Variants in CTSO observed in about 807,000 individuals in gnomAD.
CTSO encodes cathepsin O.
A neutral mutation model predicts 42.4 loss-of-function variants in CTSO; 40 were observed. That is an observed-to-expected ratio of 0.94 (90% confidence interval 0.73 to 1.23). The LOEUF is 1.23. Among genes scored for constraint, CTSO ranks in the 50% most tolerant of loss-of-function variants. The pLI, the probability that CTSO is intolerant of heterozygous loss-of-function variation, is 0.00. For synonymous variants in CTSO, 156 were observed against 146.2 expected (o/e 1.07, Z -0.48); for missense variants, 441 against 396.0 (o/e 1.11, Z -0.96).
At chr4:155,948,065 CTT>C (rs34548017) in intron 1 of CTSO, among the ~76,000 whole-genome samples, 21 of 136,468 alleles carry the variant, frequency 1.5e-4, no homozygotes, top group African/African-American at 5.7e-4. Flanking sequence ...CTACCTTCAC[CTT>C]TTTTTTGTTG....
chr4:155,936,172 AC>A (rs1254680652), intron 5 of CTSO, among the ~76,000 whole-genome samples: 2 of 152,174 alleles, frequency 1.3e-5, no homozygotes, highest in Non-Finnish European at 1.5e-5. Context: ...GATGTTGACC[AC>A]GGTACTCAGT....
At chr4:155,953,245 C>T (rs991475291) in intron 1 of CTSO, among the ~76,000 whole-genome samples, 2 of 151,812 alleles carry the variant, frequency 1.3e-5, no homozygotes, top group African/African-American at 2.4e-5. Flanking sequence ...CTCTTTGTTT[C>T]TAACTTCTGA....
At position 155,937,384 on chromosome 4, in the gene CTSO, C is replaced by A. The variant is rs1347474369; in HGVS notation, c.652G>T (p.Gly218Cys). ...SGSHSGFSIK[G>C]YSAYDFSDQE... ...TACCTGAAGTCATATGCAGAATAAC[C>A]TTTGATTGAAAATCCAGAATGTGAA... The change falls in exon 5 of 8, where the codon GGT (glycine) becomes TGT (cysteine). Residue 218 changes from glycine (G) to cysteine (C), a missense_variant. Physicochemically the swap from Gly to Cys is radical, Grantham distance 159. Transcript: ENST00000433477. 2 of 1,609,644 alleles carry A rather than the reference C, an allele frequency of 1.2e-6. No homozygotes were observed. Among genetic ancestry groups the A allele is most frequent in the Non-Finnish European group, 1.7e-6 (2 of 1,176,112 alleles).
intron 1 of CTSO, among the ~76,000 whole-genome samples, chr4:155,953,178 C>G (rs1412622096): frequency 6.6e-6 from 1 of 152,104 alleles, no homozygotes; most frequent in South Asian, 2.1e-4. Flanking sequence ...TAAAGTGGTG[C>G]GTTAGTTTAA....
chr4:155,940,416 A>T (rs1743408375), intron 3 of CTSO, among the ~76,000 whole-genome samples: 1 of 152,232 alleles, frequency 6.6e-6, no homozygotes, highest in East Asian at 1.9e-4. Flanking sequence ...AGGAATGACA[A>T]TTGGATATCT....
At chr4:155,928,867 A>G (rs999969358) in intron 6 of CTSO, among the ~76,000 whole-genome samples, 4 of 152,230 alleles carry the variant, frequency 2.6e-5, no homozygotes, top group Admixed American at 6.5e-5. Context: ...GGAATCTGAC[A>G]AGACATTTAC....
intron 1 of CTSO, among the ~76,000 whole-genome samples, chr4:155,946,543 C>G (rs1368690937): frequency 1.3e-5 from 2 of 152,166 alleles, no homozygotes; most frequent in Non-Finnish European, 2.9e-5. Context: ...GTCAGCGGCA[C>G]TAGTGTCTGC....
At chr4:155,937,505 A>T (rs1452855446) in intron 4 of CTSO, 22 bp from the exon 5 acceptor site, 1 of 1,608,552 alleles carries the variant, frequency 6.2e-7, no homozygotes, top group East Asian at 2.2e-5. Context: ...CAATCACTGA[A>T]CATGTTTACT....
chr4:155,948,684 C>T (rs1303699638), intron 1 of CTSO, among the ~76,000 whole-genome samples: 2 of 152,136 alleles, frequency 1.3e-5, no homozygotes, highest in African/African-American at 2.4e-5. Flanking sequence ...TTTTAAAATT[C>T]CTCAGAAATC....
chr4:155,929,435 G>T, intron 6 of CTSO, 107 bp downstream of exon 6: 1 of 1,121,578 alleles, frequency 8.9e-7, no homozygotes, highest in South Asian at 1.6e-5. Flanking sequence ...GGTCTTATGA[G>T]GACTTAATCA....
At chr4:155,935,317 G>A (rs898246964) in intron 5 of CTSO, among the ~76,000 whole-genome samples, 37 of 152,116 alleles carry the variant, frequency 2.4e-4, no homozygotes, top group African/African-American at 7.9e-4. Context: ...TCAGCAGCAC[G>A]AAAGCAGACT....
Position 155,953,865 on chromosome 4 carries a change from C to A in CTSO, c.-18G>T. The A allele has an allele frequency of 7.9e-7, 1 of 1,264,422 alleles. No homozygotes were observed. Among genetic ancestry groups the A allele is most frequent in the Non-Finnish European group, 9.9e-7 (1 of 1,007,634 alleles). The allele number at this position is 1,264,422 out of a possible 1,614,324, so 78.3% of individuals were successfully genotyped here. ...ACGTCCATTGCGGCGCCCGGCTCCT[C>A]TGCCGCCCGCGCGGCCTGTTTTCTC... On this transcript the variant is annotated 5_prime_UTR_variant, in exon 1 of 8. Coordinates refer to ENST00000433477, the MANE Select transcript of CTSO (RefSeq NM_001334.3).
At position 155,928,374 on chromosome 4, in the gene CTSO, T is replaced by A. The variant is rs1358576615; in HGVS notation, c.893A>T (p.Asp298Val). Residue 298 changes from aspartate to valine, a missense_variant, in exon 7 of 8, where the codon GAT becomes GTT. Coordinates refer to ENST00000433477, the MANE Select transcript of CTSO (RefSeq NM_001334.3). The part of the protein sequence containing the change: ...RNSWGSSWGV[D>V]GYAHVKMGSN... The stretch of plus-strand genomic sequence containing the variant: ...TCCCATTTTGACATGGGCATAACCA[T>A]CTACTCCCCAAGAACTTCCCCAGGA... 15 of 1,613,460 alleles carry A rather than the reference T, an allele frequency of 9.3e-6. No homozygotes were observed. The highest frequency in any genetic ancestry group is 1.3e-5 in the Non-Finnish European group (15 of 1,179,640).
chr4:155,946,544 T>C (rs1420550770), intron 1 of CTSO, among the ~76,000 whole-genome samples: 3 of 152,174 alleles, frequency 2.0e-5, no homozygotes, highest in Non-Finnish European at 4.4e-5. Context: ...TCAGCGGCAC[T>C]AGTGTCTGCA....
At chr4:155,936,059 G>A (rs1579342372) in intron 5 of CTSO, among the ~76,000 whole-genome samples, 1 of 151,982 alleles carries the variant, frequency 6.6e-6, no homozygotes, top group Admixed American at 6.5e-5. Flanking sequence ...TGTAAATCTA[G>A]TTTTTTCTTG....
rs778647108 is a variant in CTSO at position 155,929,625 on chromosome 4, T to A, written c.755A>T (p.Asp252Val). 2 of 1,613,840 alleles carry A rather than the reference T, an allele frequency of 1.2e-6. No individual in the cohort carries two copies. Among genetic ancestry groups the A allele is most frequent in the South Asian group, 1.1e-5 (1 of 90,996 alleles). ...ATGCTGTATAATGCCTCCCAGATAATCTTGCCAGCTCACTGCATCTACTAT... is the reference window on the plus strand; with the variant it reads ...ATGCTGTATAATGCCTCCCAGATAAACTTGCCAGCTCACTGCATCTACTAT... ...VVIVDAVSWQDYLGGIIQHHC... is the reference protein window; with the variant it reads ...VVIVDAVSWQVYLGGIIQHHC... Residue 252 changes from aspartate (D) to valine (V), a missense_variant, in exon 6 of 8, where the codon GAT becomes GTT. Asp to Val is a radical substitution (Grantham distance 152, BLOSUM62 -3). Coordinates refer to ENST00000433477, the MANE Select transcript of CTSO (RefSeq NM_001334.3).
intron 1 of CTSO, among the ~76,000 whole-genome samples, chr4:155,943,718 C>T (rs181215040): frequency 6.6e-6 from 1 of 152,130 alleles, no homozygotes. Context: ...GAAAAACAGA[C>T]TGGGTAAATA....
Position 155,929,671 on chromosome 4 carries a change from T to C in CTSO, c.709A>G (p.Thr237Ala). The C allele has an allele frequency of 6.2e-7, 1 of 1,612,644 alleles. No homozygotes were observed. The highest frequency in any genetic ancestry group is 8.5e-7 in the Non-Finnish European group (1 of 1,179,710). ...QEDEMAKALL[T>A]FGPLVVIVDA... ...ACTATGACTACCAAAGGGCCAAAGG[T>C]AAGAAGTGCTTTTGCCATTTCATCT... Residue 237 changes from threonine to alanine, a missense_variant, in exon 6 of 8, where the codon ACC becomes GCC. Coordinates refer to ENST00000433477, the MANE Select transcript of CTSO (RefSeq NM_001334.3).
rs1347602692 is a variant in CTSO, at chr4:155,929,698, C to A, written c.682G>T (p.Glu228Ter). 1.9e-6 allele frequency: 3 copies of A among 1,608,734 alleles called. No homozygotes were observed. The highest frequency in any genetic ancestry group is 4.5e-5 in the East Asian group (2 of 44,826). ...GYSAYDFSDQ[E>*]DEMAKALLTF... ...AGAAGTGCTTTTGCCATTTCATCTTCTTGGTCACTACCAAAAGAGGAAATA... is the reference window on the plus strand; with the variant it reads ...AGAAGTGCTTTTGCCATTTCATCTTATTGGTCACTACCAAAAGAGGAAATA... The change falls in exon 6 of 8, where the codon GAA becomes TAA. Residue 228 changes from glutamate (E) to a stop codon, truncating the protein, a stop_gained. Transcript: ENST00000433477. LOFTEE classifies it high-confidence loss of function.
Sources: gnomAD v4.1 joint callset for allele counts (sites outside exome capture counted in the v4.1 genomes callset) on GRCh38, gnomAD v4.1.1 for gene constraint, MANE v1.5 for transcripts, NCBI Gene and HGNC (gene_info 2026-07-23, HGNC 2026-07-21) for gene names.